The following FCGRT variants were observed in gnomAD, a reference collection of about 807,000 sequenced individuals.
FCGRT encodes the protein IgG receptor FcRn large subunit p51.
Under a neutral mutation model 35.7 loss-of-function variants are expected in FCGRT, and 13 were observed. The ratio of observed to expected loss-of-function variants is 0.36; its 90% CI spans 0.24 to 0.58. The LOEUF (loss-of-function observed/expected upper bound fraction) is 0.58. FCGRT is among the 20% of genes least tolerant of loss of function. FCGRT has a pLI of 0.77. For synonymous variants in FCGRT, 233 were observed against 216.5 expected, an observed-to-expected ratio of 1.08 and a Z score of -0.67; for missense variants, 455 against 474.9, an observed-to-expected ratio of 0.96 and a Z score of 0.39.
intron 4 of FCGRT, among the ~76,000 whole-genome samples, chr19:49,523,656 T>G (rs561497633): frequency 6.6e-6 from 1 of 151,872 alleles, no homozygotes; most frequent in South Asian, 2.1e-4. Context: ...GTCAGGAGAT[T>G]GAGACCATCC....
Position 49,514,421 on chromosome 19 carries a change from T to G in FCGRT, c.536T>G (p.Leu179Arg). Residue 179 changes from leucine to arginine, a missense_variant, in exon 4 of 7, where the codon CTA (leucine) becomes CGA (arginine). By Grantham distance (102) the Leu-to-Arg change is moderately radical. Coordinates refer to ENST00000221466, the MANE Select transcript of FCGRT (RefSeq NM_001136019.3). ...KAANKELTFL[L>R]FSCPHRLREH... ...GCCAACAAGGAGCTCACCTTCCTGC[T>G]ATTCTCCTGCCCGCACCGCCTGCGG... The G allele has an allele frequency of 6.3e-7, 1 of 1,598,306 alleles. No individual in the cohort carries two copies. The highest frequency in any genetic ancestry group is 8.6e-7 in the Non-Finnish European group (1 of 1,169,392).
In FCGRT at chr19:49,524,511, C is replaced by A; in HGVS notation, c.606C>A (p.Pro202=). The change falls in exon 5 of 7, where the codon CCC becomes CCA. Residue 202 remains proline, a synonymous_variant. Coordinates refer to ENST00000221466, the MANE Select transcript of FCGRT (RefSeq NM_001136019.3). The part of the protein sequence containing the change: ...RGRGNLEWKE[P]PSMRLKARPS... ...TGTCTGCCTGATTTCCTGCAGAGCC[C>A]CCCTCCATGCGCCTGAAGGCCCGAC... The A allele has an allele frequency of 6.2e-7, 1 of 1,605,634 alleles. No homozygotes were observed. Among genetic ancestry groups the A allele is most frequent in the Non-Finnish European group, 8.5e-7 (1 of 1,173,722 alleles).
intron 4 of FCGRT, among the ~76,000 whole-genome samples, chr19:49,517,501 GGAAA>G (rs779249272): frequency 1.3e-5 from 2 of 150,740 alleles, no homozygotes; most frequent in Non-Finnish European, 3.0e-5. Flanking sequence ...AAAGAAAGAA[GGAAA>G]GAAAGAGAGA....
chr19:49,525,698 A>G, intron 6 of FCGRT, 125 bp downstream of exon 6: 4 of 712,492 alleles, frequency 5.6e-6, no homozygotes, highest in Non-Finnish European at 9.7e-6. Flanking sequence ...TGGAGACAGA[A>G]ACCCAGAGAT....
chr19:49,524,381 C>T, intron 4 of FCGRT, 126 bp from the exon 5 acceptor site: 2 of 1,095,196 alleles, frequency 1.8e-6, no homozygotes, highest in Middle Eastern at 3.1e-4. Context: ...AGTGCCTCCC[C>T]TTTTACCACT....
chr19:49,525,287 C>T, intron 5 of FCGRT, 170 bp from the exon 6 acceptor site: 1 of 653,070 alleles, frequency 1.5e-6, no homozygotes, highest in Non-Finnish European at 2.8e-6. Flanking sequence ...TTCTTACGTC[C>T]AACCTGGGGG....
At chr19:49,525,858 G>A (rs991444052) in intron 6 of FCGRT, 152 bp from the exon 7 acceptor site, 9 of 730,860 alleles carry the variant, frequency 1.2e-5, no homozygotes, top group East Asian at 2.5e-5. Flanking sequence ...GAGGGGGGAC[G>A]GAAAATTGGG....
intron 4 of FCGRT, among the ~76,000 whole-genome samples, chr19:49,517,291 G>A (rs2080013054): frequency 6.6e-6 from 1 of 152,156 alleles, no homozygotes. Context: ...AGGAGTTTGA[G>A]ATAAGCCTGG....
intron 1 of FCGRT, 61 bp from the exon 2 acceptor site, chr19:49,513,326 G>C: frequency 1.2e-6 from 1 of 857,608 alleles, no homozygotes. Flanking sequence ...TGCCCGCGGT[G>C]TCCCGGGAGG....
intron 4 of FCGRT, 83 bp downstream of exon 4, chr19:49,514,569 C>T: frequency 1.5e-6 from 2 of 1,334,032 alleles, no homozygotes; most frequent in East Asian, 2.5e-5. Context: ...CAGGACCCTC[C>T]ATCAGCCTCC....
chr19:49,524,832 T>C, intron 5 of FCGRT, 56 bp downstream of exon 5: 5 of 1,521,118 alleles, frequency 3.3e-6, no homozygotes, highest in South Asian at 1.2e-5. Context: ...GTCTCACTGC[T>C]GCGCCGGTCC....
intron 5 of FCGRT, 123 bp from the exon 6 acceptor site, chr19:49,525,334 C>T (rs956268758): frequency 2.5e-6 from 2 of 789,000 alleles, no homozygotes; most frequent in East Asian, 5.0e-5. Flanking sequence ...CTCGCCTCTG[C>T]CCATCAGACA....
At position 49,524,766 on chromosome 19, in the gene FCGRT, G is replaced by T; in HGVS notation, c.861G>T (p.Arg287Ser). Residue 287 changes from arginine (R) to serine (S), a missense_variant, in exon 5 of 7, where the codon AGG becomes AGT. By Grantham distance (110) the Arg-to-Ser change is moderately radical (BLOSUM62 -1). Transcript: ENST00000221466. ...VQHAGLAQPL[R>S]VELESPAKSS... Reference sequence around the variant, plus strand: ...ACGCGGGGCTGGCGCAGCCCCTCAGGGTGGAGCTGGGTGAGGTCCCGCCAG... The same window carrying T: ...ACGCGGGGCTGGCGCAGCCCCTCAGTGTGGAGCTGGGTGAGGTCCCGCCAG... 1.9e-6 allele frequency: 3 copies of T among 1,599,888 alleles called. No homozygotes were observed. The highest frequency in any genetic ancestry group is 2.5e-6 in the Non-Finnish European group (3 of 1,179,604).
At chr19:49,513,544 G>A (rs1427379048) in intron 2 of FCGRT, 71 bp downstream of exon 2, 2 of 906,302 alleles carry the variant, frequency 2.2e-6, no homozygotes, top group East Asian at 3.3e-5. Context: ...AGGCAGGGGC[G>A]AAGCCAGCGG....
chr19:49,513,238 C>T (rs1200748372), intron 1 of FCGRT, 149 bp from the exon 2 acceptor site: 2 of 397,454 alleles, frequency 5.0e-6, no homozygotes, highest in Non-Finnish European at 8.9e-6. Context: ...GGTGAAAGTT[C>T]TTCAGGTACG....
intron 4 of FCGRT, 107 bp downstream of exon 4, chr19:49,514,593 G>A (rs1318110097): frequency 1.3e-5 from 14 of 1,101,428 alleles, no homozygotes; most frequent in Non-Finnish European, 1.8e-5. Flanking sequence ...TGCAGCCCAC[G>A]CTCTGCCCCC....
At chr19:49,513,695 C>T (rs990801658) in intron 2 of FCGRT, 187 bp from the exon 3 acceptor site, 6 of 583,234 alleles carry the variant, frequency 1.0e-5, no homozygotes, top group African/African-American at 7.9e-5. Context: ...CTCTGTCCCC[C>T]TCTCTTTCTG....
chr19:49,525,216 C>T, intron 5 of FCGRT: 1 of 531,546 alleles, frequency 1.9e-6, no homozygotes, highest in African/African-American at 1.9e-5. Flanking sequence ...ACTGGCACAG[C>T]CCCGCCTTGC....
chr19:49,525,923 T>A, intron 6 of FCGRT, 87 bp from the exon 7 acceptor site: 1 of 832,886 alleles, frequency 1.2e-6, no homozygotes, highest in East Asian at 2.4e-5. Flanking sequence ...GAAGAGTGTG[T>A]GAGACACACA....
Sources: allele counts gnomAD v4.1 joint callset (sites outside exome capture counted in the v4.1 genomes callset), GRCh38; gene constraint gnomAD v4.1.1; transcripts MANE v1.5; gene names NCBI Gene and HGNC (gene_info 2026-07-23, HGNC 2026-07-21).